Variants in YBEY observed in about 807,000 individuals in gnomAD.
YBEY encodes the protein ybeY metalloendoribonuclease.
A neutral mutation model predicts 13.5 loss-of-function variants in YBEY; 15 were observed. That is an observed-to-expected ratio of 1.11 (90% CI 0.75 to 1.72). The LOEUF is 1.72. Among genes scored for constraint, YBEY ranks in the 40% most tolerant of loss-of-function variants. The pLI is 0.00. For missense variants in YBEY, 244 were observed against 208.4 expected (o/e 1.17, Z -1.05); for synonymous variants, 101 against 83.1 (o/e 1.21, Z -1.17).
the YBEY span, among the ~76,000 whole-genome samples, chr21:46,308,018 G>A: frequency 1.3e-5 from 2 of 151,860 alleles, no homozygotes; most frequent in Non-Finnish European, 2.9e-5. Flanking sequence ...TTTTGAGACA[G>A]AGTCTCGCTC....
At chr21:46,306,743 C>A in the YBEY span, among the ~76,000 whole-genome samples, 2 of 151,752 alleles carry the variant, frequency 1.3e-5, no homozygotes, top group East Asian at 3.9e-4. Context: ...ATGCACCTAA[C>A]ACTTGGCAAA....
intron 2 of YBEY, among the ~76,000 whole-genome samples, chr21:46,288,684 A>G (rs2081569794): frequency 2.0e-5 from 1 of 51,170 alleles, no homozygotes; most frequent in Non-Finnish European, 5.2e-5. Flanking sequence ...TCTCAAAAAG[A>G]AAAAAAAAAA....
chr21:46,293,051 CG>C, intron 3 of YBEY, among the ~76,000 whole-genome samples: 2 of 4,198 alleles, frequency 4.8e-4, no homozygotes. Flanking sequence ...GACCTGTGCC[CG>C]GGACTCAGTG....
intron 2 of YBEY, among the ~76,000 whole-genome samples, chr21:46,290,033 A>AAGGT (rs2081636434): frequency 3.4e-5 from 1 of 29,794 alleles, no homozygotes; most frequent in African/African-American, 1.2e-4. Context: ...GCAGTTTTGT[A>AAGGT]TGTGTGTAAG....
intron 3 of YBEY, among the ~76,000 whole-genome samples, chr21:46,295,233 G>T (rs1197466335): frequency 6.6e-6 from 1 of 152,002 alleles, no homozygotes; most frequent in African/African-American, 2.4e-5. Flanking sequence ...CAGCCCACCA[G>T]CCCAGGACCC....
Position 46,286,416 on chromosome 21 carries a change from G to C in YBEY, c.-45+1G>C, listed in dbSNP as rs1601560110. On this transcript the variant is annotated splice_donor_variant, in intron 1 of 4. Transcript: ENST00000397701. LOFTEE classifies it low-confidence loss of function (5UTR_SPLICE). ...CGTCCTTTGCTGGGTCCAGACACCG[G>C]TACGTCCGGGCGGGTTTTTAGTCTC... The C allele has an allele frequency of 6.4e-6, 1 of 156,700 alleles. No homozygotes were observed. The highest frequency in any genetic ancestry group is 1.9e-4 in the East Asian group (1 of 5,234). 9.7% of individuals were successfully genotyped at this position (156,700 alleles called of 1,614,324 possible).
chr21:46,287,716 C>T (rs1027386605), intron 2 of YBEY, among the ~76,000 whole-genome samples: 1 of 152,232 alleles, frequency 6.6e-6, no homozygotes, highest in African/African-American at 2.4e-5. Context: ...GACAGCCGAG[C>T]GCGATGGCTC....
At chr21:46,306,407 G>A in the YBEY span, among the ~76,000 whole-genome samples, 3 of 152,042 alleles carry the variant, frequency 2.0e-5, no homozygotes, top group Non-Finnish European at 2.9e-5. Context: ...GCTGAGGTAG[G>A]AGAATCGCTT....
chr21:46,303,745 A>ATTTTTTTTT, the YBEY span, among the ~76,000 whole-genome samples: 2 of 23,816 alleles, frequency 8.4e-5, no homozygotes, highest in African/African-American at 1.7e-4. Flanking sequence ...ATATATATAT[A>ATTTTTTTTT]TTTTTTTTTT....
chr21:46,311,092 G>A, the YBEY span, among the ~76,000 whole-genome samples: 139 of 151,966 alleles, frequency 9.1e-4, 2 homozygotes, highest in South Asian at 0.028. Flanking sequence ...GGCTGGTCTC[G>A]AACTCTTGAC....
chr21:46,289,904 G>A (rs1241296804), intron 2 of YBEY, among the ~76,000 whole-genome samples: 1 of 149,672 alleles, frequency 6.7e-6, no homozygotes, highest in Non-Finnish European at 1.5e-5. Context: ...TGCGTGTAAG[G>A]TTGTCATAGC....
chr21:46,311,392 G>A, the YBEY span: 2 of 967,872 alleles, frequency 2.1e-6, no homozygotes, highest in South Asian at 1.9e-5. Flanking sequence ...CTGCTTCCAG[G>A]AACATTTTCC....
the YBEY span, among the ~76,000 whole-genome samples, chr21:46,303,898 C>T: frequency 8.8e-5 from 13 of 148,150 alleles, no homozygotes; most frequent in African/African-American, 3.2e-4. Flanking sequence ...ACTACAGGTG[C>T]CCGCCACTGC....
At chr21:46,300,616 G>A (rs2082078347), downstream of YBEY, 1 of 1,196,054 alleles carries the variant, frequency 8.4e-7, no homozygotes, top group East Asian at 5.8e-5. Context: ...AGCTGCGCTG[G>A]GCCCTTCGGT....
chr21:46,309,147 C>T, the YBEY span, among the ~76,000 whole-genome samples: 5 of 152,028 alleles, frequency 3.3e-5, no homozygotes, highest in African/African-American at 9.6e-5. Context: ...GGCGAAATCC[C>T]GTCTCTACTA....
downstream of YBEY, chr21:46,301,888 G>C (rs112580445): frequency 3.5e-5 from 47 of 1,334,910 alleles, no homozygotes; most frequent in East Asian, 3.0e-4. Context: ...TAGCCACTCC[G>C]GGTGGTGGCA....
At chr21:46,301,719 G>A (rs1266794235), downstream of YBEY, 3 of 1,197,466 alleles carry the variant, frequency 2.5e-6, no homozygotes, top group East Asian at 7.0e-5. Flanking sequence ...CCGCCCTACA[G>A]GAAAGGAGGG....
chr21:46,298,307 C>T (rs2082015674), downstream of YBEY, among the ~76,000 whole-genome samples: 1 of 152,206 alleles, frequency 6.6e-6, no homozygotes, highest in African/African-American at 2.4e-5. Context: ...CGGGCCAGGC[C>T]CCTCTGTTCC....
At position 46,296,217 on chromosome 21, in the gene YBEY, C is replaced by A; in HGVS notation, c.395C>A (p.Ala132Glu). The change falls in exon 4 of 5, where the codon GCA becomes GAA. Residue 132 changes from alanine to glutamate, a missense_variant. By Grantham distance (107) the Ala-to-Glu change is moderately radical. Coordinates refer to ENST00000397701, the MANE Select transcript of YBEY (RefSeq NM_001314025.2). ...CTGGGATTCACACACGGCACGGAGG[C>A]AGAGTGGCAGCAGGTAAGGAGCCCA... ...HLLGFTHGTE[A>E]EWQQMFQKEK... The A allele has an allele frequency of 6.2e-7, 1 of 1,613,712 alleles. No individual in the cohort carries two copies. Among genetic ancestry groups the A allele is most frequent in the Non-Finnish European group, 8.5e-7 (1 of 1,180,008 alleles).
Sources: gnomAD v4.1 joint callset for allele counts (sites outside exome capture counted in the v4.1 genomes callset) on GRCh38, gnomAD v4.1.1 for gene constraint, MANE v1.5 for transcripts, NCBI Gene and HGNC (gene_info 2026-07-23, HGNC 2026-07-21) for gene names.